The following DPY19L2 variants were observed in gnomAD, a reference collection of about 807,000 sequenced individuals.
The protein encoded by DPY19L2 is probable C-mannosyltransferase DPY19L2.
Under a neutral mutation model 97.9 loss-of-function variants are expected in DPY19L2, and 34 were observed. That is an observed-to-expected ratio of 0.35 (90% CI 0.26 to 0.46). The LOEUF is 0.46. DPY19L2 is among the 20% of genes least tolerant of loss of function. The pLI, the probability that DPY19L2 is intolerant of heterozygous loss-of-function variation, is 1.00. For synonymous variants in DPY19L2, 230 were observed against 307.9 expected (o/e 0.75, Z 2.65); for missense variants, 623 against 911.4 (o/e 0.68, Z 4.07).
chr12:63,636,531 C>A (rs1245065137), intron 6 of DPY19L2, among the ~76,000 whole-genome samples: 1 of 151,996 alleles, frequency 6.6e-6, no homozygotes, highest in Non-Finnish European at 1.5e-5. Context: ...TCGGGAAACC[C>A]ATCTCATGTG....
At chr12:63,615,866 G>A (rs1205139272) in intron 11 of DPY19L2, among the ~76,000 whole-genome samples, 1 of 151,514 alleles carries the variant, frequency 6.6e-6, no homozygotes, top group African/African-American at 2.4e-5. Context: ...ACATAACACA[G>A]TCAGCCCTCC....
rs144772286 is a variant in DPY19L2 at position 63,562,645 on chromosome 12, T to C, written c.2127-1983A>G. Reference sequence around the variant, plus strand: ...GTGTATGAGAGTTCTAAATCCTCCATAGTGTCAGCAACACTTGGCAGTTTT... The same window carrying C: ...GTGTATGAGAGTTCTAAATCCTCCACAGTGTCAGCAACACTTGGCAGTTTT... On this transcript the variant is annotated intron_variant, in intron 21 of 21. Transcript: ENST00000324472. 4.2e-3 allele frequency among the ~76,000 whole-genome samples: 642 copies of C among 152,330 alleles called. 11 individuals are homozygous for C. Among genetic ancestry groups the C allele is most frequent in the African/African-American group, 0.015 (607 of 41,566 alleles).
chr12:63,607,807 A>G (rs1413805672), intron 12 of DPY19L2, among the ~76,000 whole-genome samples: 1 of 151,780 alleles, frequency 6.6e-6, no homozygotes, highest in East Asian at 1.9e-4. Flanking sequence ...TAGTTTTTCT[A>G]TTTTTTGTAG....
chr12:63,638,854 T>C (rs1327246470), intron 6 of DPY19L2, among the ~76,000 whole-genome samples: 3 of 152,076 alleles, frequency 2.0e-5, no homozygotes. Flanking sequence ...AAAAAACTAC[T>C]TAAAAGTTCA....
At chr12:63,580,626 T>G in intron 19 of DPY19L2, 36 bp downstream of exon 19, 1 of 1,553,204 alleles carries the variant, frequency 6.4e-7, no homozygotes, top group Non-Finnish European at 8.7e-7. Flanking sequence ...TCTGTATGTT[T>G]GTATAAAACT....
At chr12:63,623,986 T>C in intron 8 of DPY19L2, 54 bp downstream of exon 8, 1 of 1,427,244 alleles carries the variant, frequency 7.0e-7, no homozygotes, top group Admixed American at 1.8e-5. Flanking sequence ...TGAAGTATAT[T>C]TTAAGAAACT....
intron 16 of DPY19L2, among the ~76,000 whole-genome samples, chr12:63,588,718 G>T: frequency 6.8e-6 from 1 of 146,640 alleles, no homozygotes; most frequent in African/African-American, 2.5e-5. Flanking sequence ...AAATTATCCT[G>T]GTTTATATAA....
chr12:63,589,716 G>A, intron 16 of DPY19L2, among the ~76,000 whole-genome samples: 1 of 152,138 alleles, frequency 6.6e-6, no homozygotes, highest in East Asian at 1.9e-4. Flanking sequence ...AACTGTGATT[G>A]TAGAGAAATT....
chr12:63,637,675 G>A (rs150799419), intron 6 of DPY19L2, among the ~76,000 whole-genome samples: 1,691 of 152,134 alleles, frequency 0.011, 59 homozygotes, highest in Admixed American at 0.063. Context: ...TTGAATCCCT[G>A]AATAGACCAA....
intron 11 of DPY19L2, among the ~76,000 whole-genome samples, chr12:63,613,899 TAA>T (rs1887417955): frequency 6.6e-6 from 1 of 151,534 alleles, no homozygotes. Flanking sequence ...AAGCAAAAAA[TAA>T]AAGAGACAGC....
In DPY19L2 at chr12:63,654,621, G is replaced by C. The variant is rs577182271; in HGVS notation, c.588+6723C>G. ...ATAATAATAAAGTCAGGCTGAAAGT[G>C]AAAGGATGGAAAATGATGAATTTAT... is the stretch of plus-strand genomic sequence containing the variant. On this transcript the variant is annotated intron_variant, in intron 4 of 21. Transcript: ENST00000324472. Among the ~76,000 whole-genome samples, 14 of 152,198 alleles carry C rather than the reference G, an allele frequency of 9.2e-5. No homozygotes were observed. The South Asian group carries it at 2.9e-3, about 32-fold the overall frequency.
chr12:63,589,555 C>T (rs1220256247), intron 16 of DPY19L2, among the ~76,000 whole-genome samples: 1 of 151,810 alleles, frequency 6.6e-6, no homozygotes, highest in African/African-American at 2.4e-5. Flanking sequence ...AAGGTAGACT[C>T]CTCTATGTCA....
At chr12:63,592,085 CAAGAGAA>C (rs1377231237) in intron 16 of DPY19L2, among the ~76,000 whole-genome samples, 2 of 85,064 alleles carry the variant, frequency 2.4e-5, no homozygotes, top group African/African-American at 4.3e-5. Context: ...CAAGAGAAGA[CAAGAGAA>C]AAGAGAAAAG....
chr12:63,667,012 T>C (rs1437104533), intron 1 of DPY19L2, among the ~76,000 whole-genome samples: 1 of 152,172 alleles, frequency 6.6e-6, no homozygotes, highest in Non-Finnish European at 1.5e-5. Flanking sequence ...TCTTTTCCTA[T>C]ATTACTAACT....
intron 6 of DPY19L2, among the ~76,000 whole-genome samples, chr12:63,630,111 C>T (rs575767498): frequency 6.6e-6 from 1 of 152,296 alleles, no homozygotes; most frequent in East Asian, 1.9e-4. Context: ...ACTGCTAAAA[C>T]ATGCCAAATT....
intron 6 of DPY19L2, among the ~76,000 whole-genome samples, chr12:63,631,601 CCAGA>C (rs760909156): frequency 2.0e-5 from 3 of 151,988 alleles, no homozygotes; most frequent in Admixed American, 6.6e-5. Context: ...AAGTCCAGGA[CCAGA>C]CAGAGTCACA....
chr12:63,628,542 C>T lies in DPY19L2; in HGVS notation c.804-2016G>A, dbSNP rs1018319965. Among the ~76,000 whole-genome samples, 38 of 152,138 alleles carry T rather than the reference C, an allele frequency of 2.5e-4. 1 individual carries two copies. The highest frequency in any genetic ancestry group is 1.3e-4 in the Non-Finnish European group (9 of 68,020). The stretch of plus-strand genomic sequence containing the variant: ...GGAGGGGCACCCACCATGGCCAAGG[C>T]TTGAGTAGGTAAACAAAGCAGCCAG... On this transcript the variant is annotated intron_variant, in intron 6 of 21. Transcript: ENST00000324472.
chr12:63,625,806 C>G (rs1422580992), intron 7 of DPY19L2, among the ~76,000 whole-genome samples: 1 of 151,916 alleles, frequency 6.6e-6, no homozygotes, highest in African/African-American at 2.4e-5. Flanking sequence ...TTCAGTTAGG[C>G]AAGATGAATA....
chr12:63,648,378 A>C (rs11175097), intron 4 of DPY19L2, among the ~76,000 whole-genome samples: 111,974 of 151,706 alleles, frequency 0.74, 42,431 homozygotes, highest in African/African-American at 0.9. Context: ...GGCTCTACCC[A>C]TACCGTATAA....
Sources: gnomAD v4.1 joint callset for allele counts (sites outside exome capture counted in the v4.1 genomes callset) on GRCh38, gnomAD v4.1.1 for gene constraint, MANE v1.5 for transcripts, NCBI Gene and HGNC (gene_info 2026-07-23, HGNC 2026-07-21) for gene names.